SCML2: variants seen among roughly 807,000 people sequenced by gnomAD.
SCML2 encodes sex comb on midleg-like protein 2.
A neutral mutation model predicts 48.4 loss-of-function variants in SCML2; 6 were observed. That is an observed-to-expected ratio of 0.12 (90% CI 0.07 to 0.24). The LOEUF (loss-of-function observed/expected upper bound fraction) is 0.24, where lower values mean the gene tolerates loss of function less well. Ranked by LOEUF, SCML2 falls within the 10% of genes least tolerant of loss-of-function variation. The pLI is 1.00. For missense variants in SCML2, 377 were observed against 528.2 expected (o/e 0.71, Z 2.81); for synonymous variants, 181 against 189.5 (o/e 0.95, Z 0.37).
At chrX:18,273,856 T>C (rs1168091768) in intron 7 of SCML2, among the ~76,000 whole-genome samples, 1 of 110,231 alleles carries the variant, frequency 9.1e-6, no homozygotes, top group Non-Finnish European at 1.9e-5. Flanking sequence ...TCAGAGACTA[T>C]GGTTGGACAT....
chrX:18,274,821 G>A (rs1304435497), intron 7 of SCML2, among the ~76,000 whole-genome samples: 3 of 111,623 alleles, frequency 2.7e-5, no homozygotes, highest in East Asian at 5.7e-4. Flanking sequence ...AACAGGGGTC[G>A]GATATGCCTC....
Position 18,240,991 on chromosome X carries a change from A to G in SCML2, c.*260T>C, listed in dbSNP as rs1926245046. 1 of 151,117 alleles carries G rather than the reference A, an allele frequency of 6.6e-6. No homozygotes were observed. Among genetic ancestry groups the G allele is most frequent in the African/African-American group, 3.1e-5 (1 of 32,593 alleles). The allele number at this position is 151,117 out of a possible 1,213,427, so 12.5% of individuals were successfully genotyped here. A position where few individuals can be genotyped will look rare whatever the true frequency, so the allele number is the denominator to read the frequency against. On this transcript the variant is annotated 3_prime_UTR_variant, in exon 15 of 15. Transcript: ENST00000251900. The stretch of plus-strand genomic sequence containing the variant: ...TTTAAAAAGACATAAAGAACTGCCA[A>G]TTTGAATATGCCAATACTAACCTGT...
At chrX:18,334,495 G>A (rs1052303619) in intron 1 of SCML2, among the ~76,000 whole-genome samples, 2 of 111,886 alleles carry the variant, frequency 1.8e-5, no homozygotes, top group African/African-American at 6.5e-5. Context: ...GATTCAAACT[G>A]AGGCCTATTC....
chrX:18,315,443 T>C (rs1213667337), intron 6 of SCML2, among the ~76,000 whole-genome samples: 1 of 111,652 alleles, frequency 9.0e-6, no homozygotes, highest in East Asian at 2.8e-4. Context: ...TTGTATAAGA[T>C]ACACATTTCT....
Position 18,245,313 on chromosome X carries a change from C to T in SCML2, c.1822+1264G>A, listed in dbSNP as rs1262913294. ...CAATACCGGCTACCTTAGTGTTTGA[C>T]ATACATTTCAAAGTGAGATATTCAC... On this transcript the variant is annotated intron_variant, in intron 13 of 14. Coordinates refer to ENST00000251900, the MANE Select transcript of SCML2 (RefSeq NM_006089.3). Among the ~76,000 whole-genome samples the T allele has an allele frequency of 8.0e-5, 9 of 112,146 alleles. No individual in the cohort carries two copies. The Admixed American group carries it at 8.5e-4, about 11-fold the overall frequency.
chrX:18,332,372 C>T (rs1044162454), intron 2 of SCML2, among the ~76,000 whole-genome samples: 1 of 111,848 alleles, frequency 8.9e-6, no homozygotes, highest in Non-Finnish European at 1.9e-5. Context: ...TTACCCTTAC[C>T]GATGTTCTAA....
chrX:18,301,772 G>C (rs1367790793), intron 7 of SCML2, among the ~76,000 whole-genome samples: 3 of 111,421 alleles, frequency 2.7e-5, no homozygotes, highest in African/African-American at 9.8e-5. Flanking sequence ...GCGAAACTCT[G>C]TCTCCAAAAA....
intron 8 of SCML2, among the ~76,000 whole-genome samples, chrX:18,262,224 C>T (rs113145138): frequency 0.25 from 26,155 of 105,688 alleles, 3,157 homozygotes; most frequent in African/African-American, 0.36. Context: ...GTAGACAGGA[C>T]ATATTTGGGT....
chrX:18,321,052 G>T (rs1929300299), intron 5 of SCML2, among the ~76,000 whole-genome samples: 1 of 111,603 alleles, frequency 9.0e-6, no homozygotes, highest in African/African-American at 3.3e-5. Flanking sequence ...ACAGATATGT[G>T]ATAAAGTAAA....
chrX:18,270,486 C>T (rs940690374), intron 7 of SCML2, among the ~76,000 whole-genome samples: 4 of 111,248 alleles, frequency 3.6e-5, no homozygotes, highest in Non-Finnish European at 5.6e-5. Flanking sequence ...TCATAGCTCA[C>T]TGAAGCCTTG....
chrX:18,254,470 T>G (rs1309817273), intron 11 of SCML2, among the ~76,000 whole-genome samples: 1 of 112,602 alleles, frequency 8.9e-6, no homozygotes, highest in African/African-American at 3.2e-5. Flanking sequence ...TGTGGATTAT[T>G]CAGTGTATTT....
At chrX:18,311,812 C>T (rs946458411) in intron 6 of SCML2, among the ~76,000 whole-genome samples, 1 of 100,458 alleles carries the variant, frequency 1.0e-5, no homozygotes, top group Non-Finnish European at 2.1e-5. Context: ...GTTTTTGAGA[C>T]GGAGTCTCAC....
intron 13 of SCML2, among the ~76,000 whole-genome samples, chrX:18,244,063 G>A (rs949111602): frequency 9.0e-6 from 1 of 111,634 alleles, no homozygotes; most frequent in African/African-American, 3.3e-5. Context: ...GTGTAGCTCT[G>A]AATTTTATTT....
chrX:18,278,335 A>G (rs1569146399), intron 7 of SCML2, among the ~76,000 whole-genome samples: 1 of 111,503 alleles, frequency 9.0e-6, no homozygotes, highest in Non-Finnish European at 1.9e-5. Flanking sequence ...GCTAGCTCCC[A>G]GCCCTGAACA....
intron 7 of SCML2, among the ~76,000 whole-genome samples, chrX:18,267,589 G>GAT (rs2147483500): frequency 1.1e-5 from 1 of 91,338 alleles, no homozygotes; most frequent in South Asian, 4.6e-4. Flanking sequence ...TTTTTGTTTG[G>GAT]GTTTTTTTTT....
chrX:18,253,463 T>G (rs1926736267), intron 11 of SCML2, among the ~76,000 whole-genome samples: 1 of 111,365 alleles, frequency 9.0e-6, no homozygotes, highest in African/African-American at 3.3e-5. Context: ...ATAACGCAAT[T>G]TTGATGAATA....
At chrX:18,323,300 G>T (rs1004512453) in intron 5 of SCML2, among the ~76,000 whole-genome samples, 29 of 111,847 alleles carry the variant, frequency 2.6e-4, no homozygotes, top group Non-Finnish European at 4.9e-4. Flanking sequence ...TACATATTTT[G>T]TACCTTAAAA....
intron 6 of SCML2, among the ~76,000 whole-genome samples, chrX:18,314,221 CTG>C (rs1157276873): frequency 9.0e-6 from 1 of 111,672 alleles, no homozygotes; most frequent in African/African-American, 3.3e-5. Flanking sequence ...GTACTTGAGA[CTG>C]TTAACCACTC....
intron 13 of SCML2, among the ~76,000 whole-genome samples, chrX:18,243,459 T>C (rs1250732892): frequency 8.9e-6 from 1 of 111,896 alleles, no homozygotes; most frequent in Non-Finnish European, 1.9e-5. Context: ...AAATTAGTCC[T>C]TTTACCAAAT....
Sources: gnomAD v4.1 joint callset for allele counts (sites outside exome capture counted in the v4.1 genomes callset) on GRCh38, gnomAD v4.1.1 for gene constraint, MANE v1.5 for transcripts, NCBI Gene and HGNC (gene_info 2026-07-23, HGNC 2026-07-21) for gene names.